Variants in KCNH6 observed in about 807,000 individuals in gnomAD.
The protein encoded by KCNH6 is potassium voltage-gated channel subfamily H member 6.
KCNH6 carries 81 observed loss-of-function variants against 83.4 expected under a neutral mutation model. The observed-to-expected ratio is 0.97, with a 90% CI of 0.81 to 1.17. KCNH6 has a LOEUF of 1.17. KCNH6 is among the 50% of genes most tolerant of loss of function. The pLI, the probability that KCNH6 is intolerant of heterozygous loss-of-function variation, is 0.00. For missense variants in KCNH6, 1,203 were observed against 1,290.5 expected, an observed-to-expected ratio of 0.93 and a Z score of 1.04; for synonymous variants, 503 against 545.6, an observed-to-expected ratio of 0.92 and a Z score of 1.09.
chr17:63,543,609 G>A lies in KCNH6; in HGVS notation c.2182G>A (p.Ala728Thr), dbSNP rs141206456. ...GGGTCTCCACTCATCCCCCCGACAGGCTCCTGGCAGCCAAGACCACCAAGG... is the reference window on the plus strand; with the variant it reads ...GGGTCTCCACTCATCCCCCCGACAGACTCCTGGCAGCCAAGACCACCAAGG... ...AGGLHSSPRQ[A>T]PGSQDHQGFF... The change falls in exon 10 of 13, where the codon GCT becomes ACT. Residue 728 changes from alanine to threonine, a missense_variant. Ala to Thr is a moderately conservative substitution (Grantham distance 58). Coordinates refer to ENST00000314672, the MANE Select transcript of KCNH6 (RefSeq NM_001278919.2). 2.9e-5 allele frequency: 46 copies of A among 1,613,156 alleles called. No individual in the cohort carries two copies. In the Admixed American group the frequency reaches 3.3e-4, roughly 12 times the overall value.
chr17:63,547,157 T>C (rs2033164299), downstream of KCNH6, among the ~76,000 whole-genome samples: 1 of 152,208 alleles, frequency 6.6e-6, no homozygotes, highest in African/African-American at 2.4e-5. Context: ...TTTCCTGATC[T>C]AGGTGCTGGT....
At position 63,534,284 on chromosome 17, in the gene KCNH6, C is replaced by T. The variant is rs1215791281; in HGVS notation, c.1074C>T (p.Leu358=). ...IDMVAAIPFD[L]LIFRTGSDET... is the part of the protein sequence containing the mutation. ...TGGTGGCCGCCATCCCTTTCGACCT[C>T]CTGATCTTCCGCACTGGCTCCGATG... The change falls in exon 5 of 13, where the codon CTC becomes CTT. Residue 358 remains leucine (L), a synonymous_variant. Transcript: ENST00000314672. The surrounding 1 kb of genome is among the most constrained non-coding windows in gnomAD (Gnocchi z 5.0). 6.2e-7 allele frequency: 1 copy of T among 1,613,678 alleles called. No homozygotes were observed. Among genetic ancestry groups the T allele is most frequent in the Non-Finnish European group, 8.5e-7 (1 of 1,179,802 alleles).
In KCNH6 at chr17:63,545,754, C is replaced by A; in HGVS notation, c.2729C>A (p.Ala910Asp). 2.5e-6 allele frequency: 4 copies of A among 1,614,160 alleles called. No individual in the cohort carries two copies. The highest frequency in any genetic ancestry group is 3.4e-6 in the Non-Finnish European group (4 of 1,180,042). ...EQPEGLWPPL[A>D]SPLHPLEVQG... is the part of the protein sequence containing the mutation. ...CCTGAGGGGCTCTGGCCACCCCTAG[C>A]CTCACCTCTACATCCCCTGGAAGTA... The change falls in exon 13 of 13, where the codon GCC (alanine) becomes GAC (aspartate). Residue 910 changes from alanine to aspartate, a missense_variant. Coordinates refer to ENST00000314672, the MANE Select transcript of KCNH6 (RefSeq NM_001278919.2).
chr17:63,543,299 G>C (rs7225964), intron 9 of KCNH6, among the ~76,000 whole-genome samples: 3,747 of 146,502 alleles, frequency 0.026, 151 homozygotes, highest in African/African-American at 0.086. Context: ...CCTCCCTCCC[G>C]CGATCTGCAC....
intron 8 of KCNH6, among the ~76,000 whole-genome samples, chr17:63,540,760 G>T (rs2032810983): frequency 6.6e-6 from 1 of 152,182 alleles, no homozygotes. Flanking sequence ...AACTGTTACT[G>T]CCACTTGCAC....
At position 63,535,899 on chromosome 17, in the gene KCNH6, T is replaced by C; in HGVS notation, c.1332T>C (p.Leu444=). The C allele has an allele frequency of 6.2e-7, 1 of 1,614,072 alleles. No homozygotes were observed. The highest frequency in any genetic ancestry group is 8.5e-7 in the Non-Finnish European group (1 of 1,180,036). Residue 444 remains leucine (L), a synonymous_variant, in exon 6 of 13, where the codon CTT becomes CTC. Coordinates refer to ENST00000314672, the MANE Select transcript of KCNH6 (RefSeq NM_001278919.2). This position sits in a 1 kb window ranked among gnomAD's most constrained non-coding sequence, Gnocchi z 4.9. Reference sequence around the variant, plus strand: ...GGCTGGACAGCCTGGGTGTGCAGCTTGGCAAGCGCTACAACGGCAGCGACC... The same window carrying C: ...GGCTGGACAGCCTGGGTGTGCAGCTCGGCAAGCGCTACAACGGCAGCGACC... ...IGWLDSLGVQ[L]GKRYNGSDPA... is the part of the protein sequence containing the mutation.
Position 63,533,813 on chromosome 17 carries a change from G to GCCTCAGC in KCNH6, c.676-68_676-62dup. On this transcript the variant is annotated intron_variant, in intron 4 of 12. Coordinates refer to ENST00000314672, the MANE Select transcript of KCNH6 (RefSeq NM_001278919.2). This position sits in a 1 kb window ranked among gnomAD's most constrained non-coding sequence, Gnocchi z 4.1. ...CCCTCTCCCACTACACCTTCCCCAG[G>GCCTCAGC]CCTCAGCCCTCTAGGCCAGTCTCAC... 1 of 1,443,942 alleles carries GCCTCAGC rather than the reference G, an allele frequency of 6.9e-7. No individual in the cohort carries two copies. The highest frequency in any genetic ancestry group is 1.8e-5 in the Admixed American group (1 of 55,352). 89.4% of individuals were successfully genotyped at this position (1,443,942 alleles called of 1,614,324 possible).
Position 63,535,661 on chromosome 17 carries a change from C to G in KCNH6, c.1102-8C>G. 6.3e-7 allele frequency: 1 copy of G among 1,588,922 alleles called. No individual in the cohort carries two copies. The highest frequency in any genetic ancestry group is 8.6e-7 in the Non-Finnish European group (1 of 1,163,964). On this transcript the variant is annotated splice_polypyrimidine_tract_variant and splice_region_variant and intron_variant, in intron 5 of 12. Transcript: ENST00000314672. This position sits in a 1 kb window ranked among gnomAD's most constrained non-coding sequence, Gnocchi z 4.9. ...CCCAGCCCTGTGACCATTTCCCTAC[C>G]CCTCCAGACCACAACCCTGATTGGG...
Position 63,545,091 on chromosome 17 carries a change from G to C in KCNH6, c.2410G>C (p.Val804Leu), listed in dbSNP as rs775097673. 2.5e-6 allele frequency: 4 copies of C among 1,613,170 alleles called. No homozygotes were observed. In the African/African-American group the frequency reaches 4.0e-5, roughly 16 times the overall value. Residue 804 changes from valine to leucine, a missense_variant, in exon 12 of 13, where the codon GTG (valine) becomes CTG (leucine). Physicochemically the swap from Val to Leu is conservative, Grantham distance 32. Transcript: ENST00000314672. ...QAQMNRLESR[V>L]SSDLSRILQL... ...TCTGTCTGGCAGGCTGGAGTCCCGC[G>C]TGTCCTCAGACCTCAGCCGCATCTT...
chr17:63,535,991 C>T lies in KCNH6; in HGVS notation c.1424C>T (p.Thr475Ile), dbSNP rs764804361. The T allele has an allele frequency of 8.7e-6, 14 of 1,613,876 alleles. No homozygotes were observed. Among genetic ancestry groups the T allele is most frequent in the Non-Finnish European group, 1.1e-5 (13 of 1,180,014 alleles). ...TALYFTFSSL[T>I]SVGFGNVSPN... ...CTCTACTTCACCTTCAGCAGCCTCA[C>T]CAGCGTGGGCTTCGGCAATGTCTCG... Residue 475 changes from threonine (T) to isoleucine (I), a missense_variant, in exon 6 of 13, where the codon ACC becomes ATC. Coordinates refer to ENST00000314672, the MANE Select transcript of KCNH6 (RefSeq NM_001278919.2). The surrounding 1 kb of genome is among the most constrained non-coding windows in gnomAD (Gnocchi z 4.9).
Position 63,538,729 on chromosome 17 carries a change from CCCTGCCCAGG to C in KCNH6, c.1954+70_1954+79del. 5 of 1,462,990 alleles carry C rather than the reference CCCTGCCCAGG, an allele frequency of 3.4e-6. No individual in the cohort carries two copies. The highest frequency in any genetic ancestry group is 4.6e-6 in the Non-Finnish European group (5 of 1,086,778). The allele number at this position is 1,462,990 out of a possible 1,614,324, so 90.6% of individuals were successfully genotyped here. On this transcript the variant is annotated intron_variant, in intron 8 of 12. Transcript: ENST00000314672. The surrounding 1 kb of genome is among the most constrained non-coding windows in gnomAD (Gnocchi z 4.0). Reference sequence around the variant, plus strand: ...ATGGAAGAGGGCGGGATTGGAGATGCCCTGCCCAGGCCACCCTCTTCCTGATGAGGATTTT... The same window carrying C: ...ATGGAAGAGGGCGGGATTGGAGATGCCCACCCTCTTCCTGATGAGGATTTT...
intron 2 of KCNH6, among the ~76,000 whole-genome samples, chr17:63,527,386 A>G (rs1161748553): frequency 2.0e-5 from 3 of 152,208 alleles, no homozygotes; most frequent in African/African-American, 7.2e-5. Flanking sequence ...TGGGGTGTGC[A>G]TCGGGAGACA....
At position 63,538,375 on chromosome 17, in the gene KCNH6, C is replaced by A; in HGVS notation, c.1702-35C>A. 1 of 1,587,270 alleles carries A rather than the reference C, an allele frequency of 6.3e-7. No homozygotes were observed. The highest frequency in any genetic ancestry group is 8.6e-7 in the Non-Finnish European group (1 of 1,167,452). ...ACCCTCTCCCCCAGCCCCACCCCGGCCGCGTCCCGCTGGACTTGGCCGCCC... is the reference window on the plus strand; with the variant it reads ...ACCCTCTCCCCCAGCCCCACCCCGGACGCGTCCCGCTGGACTTGGCCGCCC... On this transcript the variant is annotated intron_variant, in intron 7 of 12. Transcript: ENST00000314672. This position sits in a 1 kb window ranked among gnomAD's most constrained non-coding sequence, Gnocchi z 4.0.
chr17:63,527,085 G>A (rs1254119314), intron 2 of KCNH6, among the ~76,000 whole-genome samples: 2 of 152,116 alleles, frequency 1.3e-5, no homozygotes, highest in Non-Finnish European at 2.9e-5. Flanking sequence ...GCCCACCCCA[G>A]CCTGCCTTTC....
chr17:63,532,830 G>A (rs2032212275), intron 4 of KCNH6, among the ~76,000 whole-genome samples: 1 of 152,200 alleles, frequency 6.6e-6, no homozygotes, highest in Non-Finnish European at 1.5e-5. Flanking sequence ...TGTCTGATGA[G>A]GCTGAGGGAG....
rs1213860894 is a variant in KCNH6 at position 63,535,536 on chromosome 17, G to A, written c.1102-133G>A. 2.5e-6 allele frequency: 2 copies of A among 799,280 alleles called. No individual in the cohort carries two copies. Among genetic ancestry groups the A allele is most frequent in the East Asian group, 2.6e-5 (1 of 38,078 alleles). 49.5% of individuals were successfully genotyped at this position (799,280 alleles called of 1,614,324 possible). ...TACTGTGCCACACTGCCAAGTGCGT[G>A]GCCCGGAGGAAGTTCTCCATAAATG... On this transcript the variant is annotated intron_variant, in intron 5 of 12. Transcript: ENST00000314672. This position sits in a 1 kb window ranked among gnomAD's most constrained non-coding sequence, Gnocchi z 4.9.
In KCNH6 at chr17:63,538,173, G is replaced by A. The variant is rs1400312461; in HGVS notation, c.1610G>A (p.Arg537His). 1 of 1,614,156 alleles carries A rather than the reference G, an allele frequency of 6.2e-7. No homozygotes were observed. The highest frequency in any genetic ancestry group is 1.1e-5 in the South Asian group (1 of 91,082). ...ATGCTGCGTGTCAAGGAGTTCATCC[G>A]CTTCCACCAGATCCCCAACCCACTG... ...TQMLRVKEFI[R>H]FHQIPNPLRQ... The change falls in exon 7 of 13, where the codon CGC (arginine) becomes CAC (histidine). Residue 537 changes from arginine to histidine, a missense_variant. Transcript: ENST00000314672. This position sits in a 1 kb window ranked among gnomAD's most constrained non-coding sequence, Gnocchi z 4.0.
intron 6 of KCNH6, among the ~76,000 whole-genome samples, chr17:63,536,675 C>T (rs953849574): frequency 8.0e-5 from 12 of 150,874 alleles, no homozygotes; most frequent in South Asian, 4.2e-4. Flanking sequence ...AAGAATTTTT[C>T]GCCAGGCATG....
At position 63,536,062 on chromosome 17, in the gene KCNH6, A is replaced by G. The variant is rs563267590; in HGVS notation, c.1495A>G (p.Ile499Val). ...GGTCTTCTCCATCTGCGTCATGCTC[A>G]TCGGCTGTGAGTGAGACCTCATGCC... ...EKVFSICVML[I>V]GSLMYASIFG... The change falls in exon 6 of 13, where the codon ATC (isoleucine) becomes GTC (valine). Residue 499 changes from isoleucine to valine, a missense_variant. Physicochemically the swap from Ile to Val is conservative, Grantham distance 29. Transcript: ENST00000314672. The G allele has an allele frequency of 1.9e-6, 3 of 1,612,814 alleles. No individual in the cohort carries two copies. The highest frequency in any genetic ancestry group is 1.3e-5 in the African/African-American group (1 of 75,052).
Sources: gnomAD v4.1 joint callset for allele counts (sites outside exome capture counted in the v4.1 genomes callset) on GRCh38, gnomAD v4.1.1 for gene constraint, Gnocchi (gnomAD v3.1) non-coding constraint, MANE v1.5 for transcripts, NCBI Gene and HGNC (gene_info 2026-07-23, HGNC 2026-07-21) for gene names.